The following RASAL2 variants were observed in gnomAD, a reference collection of about 807,000 sequenced individuals.
RASAL2 encodes the protein ras GTPase-activating protein nGAP.
In RASAL2, 58 loss-of-function variants were observed where a neutral mutation model predicts 128.9. The ratio of observed to expected loss-of-function variants is 0.45; its 90% confidence interval spans 0.36 to 0.56. The LOEUF (loss-of-function observed/expected upper bound fraction) is 0.56. Ranked by LOEUF, RASAL2 falls within the 20% of genes least tolerant of loss-of-function variation. RASAL2 has a pLI of 0.00. For missense variants in RASAL2, 1,360 were observed against 1,601.6 expected, an observed-to-expected ratio of 0.85 and a Z score of 2.57; for synonymous variants, 561 against 580.8, an observed-to-expected ratio of 0.97 and a Z score of 0.49.
chr1:178,152,488 C>T (rs1310591785), intron 1 of RASAL2, among the ~76,000 whole-genome samples: 1 of 152,064 alleles, frequency 6.6e-6, no homozygotes, highest in Non-Finnish European at 1.5e-5. Flanking sequence ...TGGGTGGCCC[C>T]TCCAGGACTT....
chr1:178,184,831 A>G (rs1202210277), intron 1 of RASAL2, among the ~76,000 whole-genome samples: 1 of 152,056 alleles, frequency 6.6e-6, no homozygotes, highest in East Asian at 1.9e-4. Context: ...CTTTAGGGAT[A>G]ATTTGTTATC....
intron 1 of RASAL2, among the ~76,000 whole-genome samples, chr1:178,255,570 A>T (rs1386062673): frequency 6.6e-6 from 1 of 152,094 alleles, no homozygotes; most frequent in African/African-American, 2.4e-5. Flanking sequence ...GTGGAGAAAG[A>T]GAATAGAGCT....
intron 3 of RASAL2, among the ~76,000 whole-genome samples, chr1:178,336,779 C>T (rs1307548543): frequency 2.6e-5 from 4 of 151,918 alleles, no homozygotes; most frequent in Non-Finnish European, 5.9e-5. Flanking sequence ...GAGATAGTAC[C>T]CAGTAATATC....
intron 1 of RASAL2, among the ~76,000 whole-genome samples, chr1:178,106,695 T>C (rs1659102813): frequency 6.6e-6 from 1 of 152,228 alleles, no homozygotes; most frequent in South Asian, 2.1e-4. Flanking sequence ...AATGGTATCA[T>C]ATGGTGATTT....
At chr1:178,296,620 C>T (rs1214246343) in intron 2 of RASAL2, among the ~76,000 whole-genome samples, 1 of 151,546 alleles carries the variant, frequency 6.6e-6, no homozygotes. Context: ...ACCTTGACCT[C>T]CCAAAGTGCT....
intron 3 of RASAL2, among the ~76,000 whole-genome samples, chr1:178,380,589 G>A (rs983008313): frequency 6.6e-6 from 1 of 152,130 alleles, no homozygotes; most frequent in African/African-American, 2.4e-5. Context: ...GGGGGTAGGG[G>A]CAGGTGTCCA....
chr1:178,194,445 A>G (rs977157019), intron 1 of RASAL2: 7 of 213,866 alleles, frequency 3.3e-5, no homozygotes, highest in African/African-American at 1.4e-4. Context: ...TCCACCAACT[A>G]TGCCTCACTT....
chr1:178,242,720 A>G (rs1049127976), intron 1 of RASAL2, among the ~76,000 whole-genome samples: 2 of 151,882 alleles, frequency 1.3e-5, no homozygotes, highest in Non-Finnish European at 2.9e-5. Flanking sequence ...GGTGATACAG[A>G]TGTTGGATCT....
intron 1 of RASAL2, among the ~76,000 whole-genome samples, chr1:178,127,991 A>C (rs535477775): frequency 6.6e-6 from 1 of 152,182 alleles, no homozygotes; most frequent in African/African-American, 2.4e-5. Context: ...GTGGTGAAAA[A>C]TTTCTCAATT....
intron 1 of RASAL2, among the ~76,000 whole-genome samples, chr1:178,281,942 T>C (rs1356382197): frequency 1.3e-5 from 2 of 152,172 alleles, no homozygotes; most frequent in Non-Finnish European, 2.9e-5. Context: ...TTTTTTGTGA[T>C]AATTTTGAGA....
Position 178,117,829 on chromosome 1 carries a change from G to T in RASAL2, c.202+23135G>T, listed in dbSNP as rs543983316. ...ATTATTTGTAAATTATGCAGTCTAAGATATTTTGTTATAGCAGCCCAAGTA... is the reference window on the plus strand; with the variant it reads ...ATTATTTGTAAATTATGCAGTCTAATATATTTTGTTATAGCAGCCCAAGTA... On this transcript the variant is annotated intron_variant, in intron 1 of 17. Transcript: ENST00000367649. Among the ~76,000 whole-genome samples the T allele has an allele frequency of 8.5e-5, 13 of 152,258 alleles. No individual in the cohort carries two copies. In the South Asian group the frequency reaches 2.3e-3, roughly 27 times the overall value.
At chr1:178,244,715 C>T (rs1490662782) in intron 1 of RASAL2, among the ~76,000 whole-genome samples, 2 of 152,126 alleles carry the variant, frequency 1.3e-5, no homozygotes, top group Non-Finnish European at 2.9e-5. Flanking sequence ...TCCTAATGCT[C>T]TCCTTCCCCT....
intron 1 of RASAL2, among the ~76,000 whole-genome samples, chr1:178,236,117 A>G (rs1664223554): frequency 6.6e-6 from 1 of 152,140 alleles, no homozygotes; most frequent in Non-Finnish European, 1.5e-5. Flanking sequence ...CCAAACCTTC[A>G]GATAACCAGA....
chr1:178,256,368 A>G (rs1410364344), intron 1 of RASAL2, among the ~76,000 whole-genome samples: 3 of 152,200 alleles, frequency 2.0e-5, no homozygotes, highest in African/African-American at 7.2e-5. Context: ...AAGGCCATCA[A>G]CAAACATCTA....
chr1:178,313,932 A>AT (rs1258336426), intron 3 of RASAL2, among the ~76,000 whole-genome samples: 1 of 152,190 alleles, frequency 6.6e-6, no homozygotes, highest in East Asian at 1.9e-4. Context: ...CTAATAGACA[A>AT]TAAAAACAAC....
rs558263397 is a variant in RASAL2, at chr1:178,332,802, G to T, written c.457+32684G>T. ...AATTCTTTTTTGTATTTTTAGTAGA[G>T]ACGGGGTTTCACCGTGGTCTCGATC... On this transcript the variant is annotated intron_variant, in intron 3 of 17. Transcript: ENST00000367649. Among the ~76,000 whole-genome samples, 3 of 151,548 alleles carry T rather than the reference G, an allele frequency of 2.0e-5. No homozygotes were observed. The South Asian group carries it at 6.3e-4, about 32-fold the overall frequency.
rs115676827 is a variant in RASAL2 at position 178,252,956 on chromosome 1, C to T, written c.203-30608C>T. Among the ~76,000 whole-genome samples, 769 of 152,308 alleles carry T rather than the reference C, an allele frequency of 5.0e-3. 5 individuals carry two copies. The highest frequency in any genetic ancestry group is 0.018 in the African/African-American group (738 of 41,550). ...CTTGCCTGGATTACCGTAGCAGCCT[C>T]TGTATTCATTTTCTAGGACTGCTGT... On this transcript the variant is annotated intron_variant, in intron 1 of 17. Coordinates refer to ENST00000367649, the MANE Select transcript of RASAL2 (RefSeq NM_170692.4).
intron 3 of RASAL2, among the ~76,000 whole-genome samples, chr1:178,307,377 A>C (rs1668047707): frequency 6.6e-6 from 1 of 152,134 alleles, no homozygotes; most frequent in Non-Finnish European, 1.5e-5. Flanking sequence ...CCTAGGAAAA[A>C]ACTATTTTCC....
intron 3 of RASAL2, among the ~76,000 whole-genome samples, chr1:178,321,197 T>C (rs1668756202): frequency 6.6e-6 from 1 of 151,972 alleles, no homozygotes; most frequent in African/African-American, 2.4e-5. Flanking sequence ...GATTCTCCTG[T>C]CCCAGCCTCC....
Sources: allele counts gnomAD v4.1 joint callset (sites outside exome capture counted in the v4.1 genomes callset), GRCh38; gene constraint gnomAD v4.1.1; transcripts MANE v1.5; gene names NCBI Gene and HGNC (gene_info 2026-07-23, HGNC 2026-07-21).